The following RASL11B variants were observed in gnomAD, a reference collection of about 807,000 sequenced individuals.
RASL11B encodes the protein RAS like family 11 member B.
In RASL11B, 14 loss-of-function variants were observed where a neutral mutation model predicts 22.9. The observed-to-expected ratio is 0.61, with a 90% CI of 0.40 to 0.96. The LOEUF (loss-of-function observed/expected upper bound fraction) is 0.96, where lower values mean the gene tolerates loss of function less well. RASL11B is among the 40% of genes least tolerant of loss of function. The pLI, the probability that RASL11B is intolerant of heterozygous loss-of-function variation, is 0.00. For missense variants in RASL11B, 261 were observed against 322.0 expected (o/e 0.81, Z 1.45); for synonymous variants, 143 against 130.2 (o/e 1.10, Z -0.67).
At chr4:52,863,422 C>T (rs1718199374) in intron 2 of RASL11B, 98 bp downstream of exon 2, 4 of 1,007,572 alleles carry the variant, frequency 4.0e-6, no homozygotes, top group Non-Finnish European at 4.6e-6. Context: ...AGTGACAGTC[C>T]GAGCCTGAGG....
chr4:52,863,249 TC>T lies in RASL11B; in HGVS notation c.143-18del. The T allele has an allele frequency of 3.7e-6, 6 of 1,611,880 alleles. No homozygotes were observed. The highest frequency in any genetic ancestry group is 5.1e-6 in the Non-Finnish European group (6 of 1,178,442). Reference sequence around the variant, plus strand: ...ACTTCCAAGGTTAACACTTTGACGTTCTTTTTTCTGACGTGCAGCACTGGTG... The same window carrying T: ...ACTTCCAAGGTTAACACTTTGACGTTTTTTTTCTGACGTGCAGCACTGGTG... On this transcript the variant is annotated intron_variant, in intron 1 of 3. Transcript: ENST00000248706.
chr4:52,863,141 G>A, intron 1 of RASL11B, 127 bp from the exon 2 acceptor site: 2 of 778,392 alleles, frequency 2.6e-6, no homozygotes. Context: ...GAGCTACAGG[G>A]TAGGAATTTC....
intron 2 of RASL11B, 50 bp downstream of exon 2, chr4:52,863,374 G>C (rs765504511): frequency 4.0e-6 from 6 of 1,486,934 alleles, no homozygotes; most frequent in Non-Finnish European, 5.6e-6. Context: ...GGAGGACTGC[G>C]GTTCCCATTT....
intron 2 of RASL11B, among the ~76,000 whole-genome samples, chr4:52,863,826 A>G (rs1310837181): frequency 2.0e-5 from 3 of 152,222 alleles, no homozygotes; most frequent in African/African-American, 7.2e-5. Context: ...GAATTCCCGA[A>G]TAAATGAGAG....
rs142525158 is a variant in RASL11B, at chr4:52,864,436, T to C, written c.200-42T>C. 1.1e-3 allele frequency: 1,369 copies of C among 1,261,254 alleles called. 17 individuals carry two copies. The East Asian group carries it at 0.016, about 15-fold the overall frequency. The allele number at this position is 1,261,254 out of a possible 1,614,324, so 78.1% of individuals were successfully genotyped here. On this transcript the variant is annotated intron_variant, in intron 2 of 3. Coordinates refer to ENST00000248706, the MANE Select transcript of RASL11B (RefSeq NM_023940.3). ...AAAACTCACAATGTTTTAAAAGTTG[T>C]ACAAGAAGGAAGAACATAATCTCTT...
In RASL11B at chr4:52,865,328, C is replaced by A. The variant is rs1483728586; in HGVS notation, c.277-7C>A. On this transcript the variant is annotated splice_region_variant and splice_polypyrimidine_tract_variant and intron_variant, in intron 3 of 3. Coordinates refer to ENST00000248706, the MANE Select transcript of RASL11B (RefSeq NM_023940.3). The stretch of plus-strand genomic sequence containing the variant: ...GCATTCACCTTGCCATCACTCCTCT[C>A]TTTCAGGTCCATGAGAACAGCCTGA... The A allele has an allele frequency of 1.3e-6, 2 of 1,598,032 alleles. No individual in the cohort carries two copies. The highest frequency in any genetic ancestry group is 1.7e-6 in the Non-Finnish European group (2 of 1,168,736).
At position 52,866,352 on chromosome 4, in the gene RASL11B, T is replaced by C. The variant is rs900236878; in HGVS notation, c.*547T>C. The stretch of plus-strand genomic sequence containing the variant: ...AACCTGAAGGATACCCAGATTTCTT[T>C]CTTTATGTACAAGATGGAAAATCCC... On this transcript the variant is annotated 3_prime_UTR_variant, in exon 4 of 4. Transcript: ENST00000248706. The C allele has an allele frequency of 1.9e-5, 3 of 154,082 alleles. No homozygotes were observed. The highest frequency in any genetic ancestry group is 7.2e-5 in the African/African-American group (3 of 41,462). The allele number at this position is 154,082 out of a possible 1,614,324, so 9.5% of individuals were successfully genotyped here.
chr4:52,864,298 A>G lies in RASL11B; in HGVS notation c.200-180A>G, dbSNP rs1718218633. 5 of 551,396 alleles carry G rather than the reference A, an allele frequency of 9.1e-6. No homozygotes were observed. In the South Asian group the frequency reaches 1.4e-4, roughly 16 times the overall value. The allele number at this position is 551,396 out of a possible 1,614,324, so 34.2% of individuals were successfully genotyped here. A position where few individuals can be genotyped will look rare whatever the true frequency, so the allele number is the denominator to read the frequency against. On this transcript the variant is annotated intron_variant, in intron 2 of 3. Transcript: ENST00000248706. ...GCCCTGGTTTTAATAAATCTAACAT[A>G]GGGTTAAAATTGCTGTTGTTTTTTA...
At position 52,865,463 on chromosome 4, in the gene RASL11B, C is replaced by T. The variant is rs200838157; in HGVS notation, c.405C>T (p.His135=). 6.6e-5 allele frequency: 107 copies of T among 1,614,102 alleles called. No individual in the cohort carries two copies. The highest frequency in any genetic ancestry group is 1.6e-4 in the Middle Eastern group (1 of 6,084). The stretch of plus-strand genomic sequence containing the variant: ...AACTCATCAGCCAGCTCCACCAGCA[C>T]GTGCAGCAGCTACACCTGGGCACCC... The part of the protein sequence containing the change: ...SYELISQLHQ[H]VQQLHLGTRL... The change falls in exon 4 of 4, where the codon CAC becomes CAT. Residue 135 remains histidine (H), a synonymous_variant. Transcript: ENST00000248706.
intron 2 of RASL11B, 177 bp from the exon 3 acceptor site, chr4:52,864,301 G>T (rs1000512547): frequency 3.5e-6 from 2 of 564,338 alleles, no homozygotes; most frequent in East Asian, 5.7e-5. Flanking sequence ...CTAACATAGG[G>T]TTAAAATTGC....
chr4:52,862,370 G>T lies in RASL11B; in HGVS notation c.-138G>T, dbSNP rs1258379400. On this transcript the variant is annotated 5_prime_UTR_variant, in exon 1 of 4. Transcript: ENST00000248706. ...GAACCTCGGCGCTCGGCCCCACCCC[G>T]CCCGTACCTGCACTTATTTATTGTT... is the stretch of plus-strand genomic sequence containing the variant. The T allele has an allele frequency of 1.1e-5, 2 of 186,374 alleles. No homozygotes were observed. Among genetic ancestry groups the T allele is most frequent in the Non-Finnish European group, 9.9e-6 (1 of 100,808 alleles). The allele number at this position is 186,374 out of a possible 1,614,324, so 11.5% of individuals were successfully genotyped here.
At chr4:52,863,588 T>C (rs1401183054) in intron 2 of RASL11B, 1 of 468,210 alleles carries the variant, frequency 2.1e-6, no homozygotes. Flanking sequence ...GTGACCCCAG[T>C]TGGAAGCACC....
Position 52,865,470 on chromosome 4 carries a change from C to A in RASL11B, c.412C>A (p.Gln138Lys). The A allele has an allele frequency of 6.2e-7, 1 of 1,614,224 alleles. No individual in the cohort carries two copies. The highest frequency in any genetic ancestry group is 8.5e-7 in the Non-Finnish European group (1 of 1,180,042). Residue 138 changes from glutamine to lysine, a missense_variant, in exon 4 of 4, where the codon CAG becomes AAG. Physicochemically the swap from Gln to Lys is moderately conservative, Grantham distance 53. Transcript: ENST00000248706. ...LISQLHQHVQ[Q>K]LHLGTRLPVV... is the part of the protein sequence containing the mutation. ...CAGCCAGCTCCACCAGCACGTGCAG[C>A]AGCTACACCTGGGCACCCGGCTGCC...
chr4:52,865,527 T>C lies in RASL11B; in HGVS notation c.469T>C (p.Leu157=), dbSNP rs1368626692. 3.7e-6 allele frequency: 6 copies of C among 1,614,190 alleles called. No homozygotes were observed. The highest frequency in any genetic ancestry group is 5.1e-6 in the Non-Finnish European group (6 of 1,180,026). Residue 157 remains leucine (L), a synonymous_variant, in exon 4 of 4, where the codon TTG becomes CTG. Coordinates refer to ENST00000248706, the MANE Select transcript of RASL11B (RefSeq NM_023940.3). ...GGTCGTGGCCAACAAAGCTGACCTGTTGCACATCAAACAGGTTGACCCTCA... is the reference window on the plus strand; with the variant it reads ...GGTCGTGGCCAACAAAGCTGACCTGCTGCACATCAAACAGGTTGACCCTCA... ...VVVVANKADL[L]HIKQVDPQLG... is the part of the protein sequence containing the mutation.
chr4:52,862,326 C>A lies in RASL11B; in HGVS notation c.-182C>A. ...CGCGCCGCGCGAGTGCAGTCTGGGT[C>A]TGGAGCCTGAGCCCTGCGGAACCTC... On this transcript the variant is annotated 5_prime_UTR_variant, in exon 1 of 4. It adds an upstream start codon to the 5' untranslated region. Coordinates refer to ENST00000248706, the MANE Select transcript of RASL11B (RefSeq NM_023940.3). 1.7e-6 allele frequency: 1 copy of A among 585,824 alleles called. No individual in the cohort carries two copies. Among genetic ancestry groups the A allele is most frequent in the Non-Finnish European group, 2.8e-6 (1 of 360,478 alleles). The allele number at this position is 585,824 out of a possible 1,614,324, so 36.3% of individuals were successfully genotyped here.
intron 2 of RASL11B, 126 bp downstream of exon 2, chr4:52,863,450 T>A (rs1560463542): frequency 6.5e-6 from 5 of 764,162 alleles, no homozygotes; most frequent in Non-Finnish European, 4.5e-6. Flanking sequence ...CACTTAAAAC[T>A]TTCCCCAGTC....
intron 2 of RASL11B, chr4:52,864,205 G>C (rs918220964): frequency 3.0e-6 from 1 of 328,734 alleles, no homozygotes; most frequent in African/African-American, 2.2e-5. Flanking sequence ...TTGCATCAAG[G>C]GAGTACTCTA....
At position 52,864,535 on chromosome 4, in the gene RASL11B, A is replaced by G. The variant is rs912035428; in HGVS notation, c.257A>G (p.Gln86Arg). The change falls in exon 3 of 4, where the codon CAA becomes CGA. Residue 86 changes from glutamine (Q) to arginine (R), a missense_variant. By Grantham distance (43) the Gln-to-Arg change is conservative. Transcript: ENST00000248706. ...IEGETLALQV[Q>R]DTPGIQVHEN... ...GGTGAAACCCTGGCTCTTCAGGTTC[A>G]AGACACTCCAGGTATTCAGGTGAGA... 6.2e-7 allele frequency: 1 copy of G among 1,609,522 alleles called. No individual in the cohort carries two copies. The highest frequency in any genetic ancestry group is 1.7e-5 in the Admixed American group (1 of 60,024).
chr4:52,866,557 G>GT lies in RASL11B; in HGVS notation c.*758dup, dbSNP rs368342070. The GT allele has an allele frequency of 9.2e-5, 14 of 152,654 alleles. No homozygotes were observed. The highest frequency in any genetic ancestry group is 2.9e-4 in the African/African-American group (12 of 41,548). The allele number at this position is 152,654 out of a possible 1,614,324, so 9.5% of individuals were successfully genotyped here. A position where few individuals can be genotyped will look rare whatever the true frequency, so the allele number is the denominator to read the frequency against. On this transcript the variant is annotated 3_prime_UTR_variant, in exon 4 of 4. Coordinates refer to ENST00000248706, the MANE Select transcript of RASL11B (RefSeq NM_023940.3). The stretch of plus-strand genomic sequence containing the variant: ...TTCAACCCCAGACTTTGACTGTATA[G>GT]TTTTTTGTTTTTTTAACTGTTCCAT...
Sources: allele counts gnomAD v4.1 joint callset (sites outside exome capture counted in the v4.1 genomes callset), GRCh38; gene constraint gnomAD v4.1.1; transcripts MANE v1.5; gene names NCBI Gene and HGNC (gene_info 2026-07-23, HGNC 2026-07-21).